Variants in FCRL4 observed in about 807,000 individuals in gnomAD.
FCRL4 encodes Fc receptor-like protein 4.
FCRL4 carries 43 observed loss-of-function variants against 64.1 expected under a neutral mutation model. The observed-to-expected ratio is 0.67, with a 90% CI of 0.53 to 0.87. FCRL4 has a LOEUF of 0.87. Among genes scored for constraint, FCRL4 ranks in the 40% least tolerant of loss-of-function variants. The pLI is 0.00. For missense variants in FCRL4, 656 were observed against 613.5 expected, an observed-to-expected ratio of 1.07 and a Z score of -0.73; for synonymous variants, 253 against 239.8, an observed-to-expected ratio of 1.05 and a Z score of -0.51.
intron 8 of FCRL4, 109 bp from the exon 9 acceptor site, chr1:157,578,961 A>C: frequency 1.2e-6 from 1 of 831,456 alleles, no homozygotes; most frequent in Non-Finnish European, 1.9e-6. Context: ...GAAAGTCAGC[A>C]GCCAGTAGGG....
chr1:157,580,701 T>G (rs894554446), intron 7 of FCRL4, among the ~76,000 whole-genome samples: 2 of 152,220 alleles, frequency 1.3e-5, no homozygotes, highest in African/African-American at 4.8e-5. Flanking sequence ...AGAGGAGCAC[T>G]GGGCTCTGAC....
In FCRL4 at chr1:157,589,330, G is replaced by A. The variant is rs780966119; in HGVS notation, c.181C>T (p.His61Tyr). ...AGGGTCAACTTTTCTCCCCAGTAGT[G>A]CCGATGATACCATGTTGTTTTCTCT... ...ATEKTTWYHR[H>Y]YWGEKLTLTP... is the part of the protein sequence containing the mutation. Residue 61 changes from histidine to tyrosine, a missense_variant, in exon 3 of 12, where the codon CAC becomes TAC. Transcript: ENST00000271532. 6.2e-7 allele frequency: 1 copy of A among 1,614,194 alleles called. No homozygotes were observed. The highest frequency in any genetic ancestry group is 8.5e-7 in the Non-Finnish European group (1 of 1,180,030).
In FCRL4 at chr1:157,597,870, G is replaced by A. The variant is rs367652469; in HGVS notation, c.31+44C>T. 1.9e-6 allele frequency: 3 copies of A among 1,581,018 alleles called. No individual in the cohort carries two copies. In the African/African-American group the frequency reaches 4.0e-5, roughly 21 times the overall value. On this transcript the variant is annotated intron_variant, in intron 1 of 11. Transcript: ENST00000271532. ...AAAAGAGGGCTTTTGCTCATGGTGA[G>A]GCTCAGCTTTGCAGCAAGCAAAGGT...
chr1:157,586,111 C>T (rs1316217760), intron 6 of FCRL4, 57 bp downstream of exon 6: 1 of 1,515,400 alleles, frequency 6.6e-7, no homozygotes, highest in African/African-American at 1.4e-5. Flanking sequence ...CTATCCCCAC[C>T]CTTAATTTGA....
At chr1:157,578,913 T>G in intron 8 of FCRL4, 61 bp from the exon 9 acceptor site, 43 of 1,354,482 alleles carry the variant, frequency 3.2e-5, no homozygotes, top group Non-Finnish European at 4.2e-5. Flanking sequence ...GAGAGTGAGA[T>G]ACCCAGGGAG....
At chr1:157,586,536 CT>C in intron 5 of FCRL4, 81 bp from the exon 6 acceptor site, 3 of 1,317,922 alleles carry the variant, frequency 2.3e-6, no homozygotes, top group Non-Finnish European at 3.1e-6. Context: ...GGCAGGGTTA[CT>C]TTTTATGTGA....
At chr1:157,580,151 C>A (rs1029220968) in intron 8 of FCRL4, among the ~76,000 whole-genome samples, 170 bp downstream of exon 8, 1 of 152,298 alleles carries the variant, frequency 6.6e-6, no homozygotes, top group East Asian at 1.9e-4. Context: ...TATTAGCTGA[C>A]AAGCAAAGTT....
intron 3 of FCRL4, 96 bp downstream of exon 3, chr1:157,589,106 TAG>T: frequency 7.4e-7 from 1 of 1,343,646 alleles, no homozygotes; most frequent in Non-Finnish European, 1.0e-6. Context: ...GATCGAGGGT[TAG>T]AGAGGAATGA....
At position 157,575,726 on chromosome 1, in the gene FCRL4, A is replaced by ACACT. The variant is rs1652388937; in HGVS notation, c.1433_1434insAGTG (p.Asn478LysfsTer11). The ACACT allele has an allele frequency of 5.6e-6, 9 of 1,613,788 alleles. No individual in the cohort carries two copies. In the East Asian group the frequency reaches 2.0e-4, roughly 36 times the overall value. The stretch of plus-strand genomic sequence containing the variant: ...TATCCTCTAGAAGTGTCCTGGAGGT[A>ACACT]TTAGCTGTGGACAGAAAGAGAATCA... On this transcript the variant is annotated frameshift_variant, in exon 11 of 12. Coordinates refer to ENST00000271532, the MANE Select transcript of FCRL4 (RefSeq NM_031282.3). LOFTEE classifies it low-confidence loss of function (END_TRUNC).
intron 10 of FCRL4, among the ~76,000 whole-genome samples, chr1:157,576,411 A>G (rs1473926013): frequency 6.6e-6 from 1 of 152,188 alleles, no homozygotes; most frequent in African/African-American, 2.4e-5. Context: ...GGGGTTACAG[A>G]TATTTTTAAT....
In FCRL4 at chr1:157,587,265, C is replaced by T; in HGVS notation, c.847+11G>A. ...AGAGGCAGGGAAGATGCCTGGCTCT[C>T]CAACACTCACGCTGCACATGGATCT... On this transcript the variant is annotated intron_variant, in intron 5 of 11. Coordinates refer to ENST00000271532, the MANE Select transcript of FCRL4 (RefSeq NM_031282.3). 1 of 1,610,858 alleles carries T rather than the reference C, an allele frequency of 6.2e-7. No homozygotes were observed. The highest frequency in any genetic ancestry group is 1.7e-5 in the Admixed American group (1 of 59,998).
intron 6 of FCRL4, among the ~76,000 whole-genome samples, chr1:157,585,550 C>A (rs556560127): frequency 6.6e-6 from 1 of 152,058 alleles, no homozygotes; most frequent in Admixed American, 6.5e-5. Flanking sequence ...GGCTTCTCAG[C>A]GATGGAGGAA....
At chr1:157,579,226 C>T (rs1318934547) in intron 8 of FCRL4, among the ~76,000 whole-genome samples, 1 of 152,080 alleles carries the variant, frequency 6.6e-6, no homozygotes, top group African/African-American at 2.4e-5. Context: ...TAAAGTTGGC[C>T]AGGCATGGTG....
At position 157,592,691 on chromosome 1, in the gene FCRL4, A is replaced by T. The variant is rs1346361729; in HGVS notation, c.53-3233T>A. Reference sequence around the variant, plus strand: ...AAGACAGTATGACAATTCCTCAAGGATCTAGAACTAGAAATACCATTTGAC... The same window carrying T: ...AAGACAGTATGACAATTCCTCAAGGTTCTAGAACTAGAAATACCATTTGAC... On this transcript the variant is annotated intron_variant, in intron 2 of 11. Coordinates refer to ENST00000271532, the MANE Select transcript of FCRL4 (RefSeq NM_031282.3). 2.6e-5 allele frequency among the ~76,000 whole-genome samples: 4 copies of T among 152,376 alleles called. No homozygotes were observed. The East Asian group carries it at 7.7e-4, about 29-fold the overall frequency.
chr1:157,580,242 A>T (rs1652529379), intron 8 of FCRL4, 79 bp downstream of exon 8: 25 of 1,470,226 alleles, frequency 1.7e-5, no homozygotes, highest in Non-Finnish European at 2.4e-5. Context: ...GTATAACTTG[A>T]CCTAATTTCA....
intron 2 of FCRL4, among the ~76,000 whole-genome samples, chr1:157,595,751 C>G (rs986867883): frequency 6.6e-6 from 1 of 152,182 alleles, no homozygotes; most frequent in Non-Finnish European, 1.5e-5. Context: ...CTTGCTGGCT[C>G]CAGCAGCTCC....
At chr1:157,577,183 G>T (rs1366645311) in intron 10 of FCRL4, among the ~76,000 whole-genome samples, 1 of 152,180 alleles carries the variant, frequency 6.6e-6, no homozygotes. Context: ...TTTCTGAGGT[G>T]AGAGTAGCAG....
At chr1:157,596,391 T>C (rs1652966086) in intron 1 of FCRL4, 43 bp from the exon 2 acceptor site, 2 of 1,612,200 alleles carry the variant, frequency 1.2e-6, no homozygotes, top group South Asian at 2.2e-5. Flanking sequence ...AGGCGAAGAG[T>C]CCCGAACTAT....
rs200321040 is a variant in FCRL4 at position 157,578,771 on chromosome 1, A to G, written c.1359T>C (p.Asp453=). Residue 453 remains aspartate (D), a splice_region_variant and synonymous_variant, in exon 9 of 12, where the codon GAT becomes GAC. Transcript: ENST00000271532. ...AGCTTCCTAGAAGGGAATCCTCACC[A>G]TCAACATACAACGACTGAAGCTCCA... The part of the protein sequence containing the change: ...AQVELQSLYV[D]VHPKKGDLVY... 105 of 1,613,714 alleles carry G rather than the reference A, an allele frequency of 6.5e-5. No homozygotes were observed. The highest frequency in any genetic ancestry group is 2.3e-5 in the Non-Finnish European group (27 of 1,179,784).
Sources: allele counts gnomAD v4.1 joint callset (sites outside exome capture counted in the v4.1 genomes callset), GRCh38; gene constraint gnomAD v4.1.1; transcripts MANE v1.5; gene names NCBI Gene and HGNC (gene_info 2026-07-23, HGNC 2026-07-21).